AKAP11: variants seen among roughly 807,000 people sequenced by gnomAD.
AKAP11 encodes the protein A-kinase anchor protein 11.
In AKAP11, 36 loss-of-function variants were observed where a neutral mutation model predicts 146.1. The observed-to-expected ratio is 0.25, with a 90% confidence interval of 0.19 to 0.33. The LOEUF (loss-of-function observed/expected upper bound fraction) is 0.33. AKAP11 is among the 10% of genes least tolerant of loss of function. The pLI is 1.00. For missense variants in AKAP11, 2,201 were observed against 2,197.0 expected, an observed-to-expected ratio of 1.00 and a Z score of -0.04; for synonymous variants, 780 against 786.5, an observed-to-expected ratio of 0.99 and a Z score of 0.14.
At chr13:42,308,963 G>A (rs1337828852) in intron 9 of AKAP11, among the ~76,000 whole-genome samples, 1 of 151,976 alleles carries the variant, frequency 6.6e-6, no homozygotes, top group Non-Finnish European at 1.5e-5. Flanking sequence ...AAAAGGACAG[G>A]TATCTGTAAA....
Position 42,319,906 on chromosome 13 carries a change from G to GGGGGGTGT in AKAP11, c.*679_*680insGGGGTGTG, listed in dbSNP as rs1555295199. The GGGGGGTGT allele has an allele frequency of 7.5e-6, 1 of 132,662 alleles. No individual in the cohort carries two copies. The highest frequency in any genetic ancestry group is 1.6e-5 in the Non-Finnish European group (1 of 62,144). The allele number at this position is 132,662 out of a possible 1,614,324, so 8.2% of individuals were successfully genotyped here. ...TGCTGCCAGTCATTCTGGCATGAAA[G>GGGGGGTGT]GTGTGTGTGTGTGTGTGTGTGTGTG... On this transcript the variant is annotated 3_prime_UTR_variant, in exon 13 of 13. Transcript: ENST00000025301.
intron 8 of AKAP11, among the ~76,000 whole-genome samples, chr13:42,305,003 A>C (rs983604126): frequency 1.3e-5 from 2 of 152,120 alleles, no homozygotes; most frequent in East Asian, 3.9e-4. Context: ...TGCCCACCTC[A>C]GCTTCCCAAA....
At chr13:42,286,425 T>G (rs749324908) in intron 3 of AKAP11, 26 bp downstream of exon 3, 1 of 1,538,556 alleles carries the variant, frequency 6.5e-7, no homozygotes, top group Non-Finnish European at 8.8e-7. Flanking sequence ...TAGGTTTCTT[T>G]TAGTGAAAGT....
At chr13:42,294,626 A>G (rs568437138) in intron 4 of AKAP11, among the ~76,000 whole-genome samples, 1 of 152,128 alleles carries the variant, frequency 6.6e-6, no homozygotes, top group African/African-American at 2.4e-5. Context: ...CTGGTCTTGA[A>G]CTGGCCTCAA....
intron 9 of AKAP11, among the ~76,000 whole-genome samples, chr13:42,309,413 C>T (rs975241904): frequency 3.3e-5 from 5 of 152,128 alleles, no homozygotes; most frequent in African/African-American, 9.7e-5. Context: ...TGGAAAGGAC[C>T]TGTGGACCAT....
chr13:42,272,527 C>A (rs561715597), intron 1 of AKAP11, among the ~76,000 whole-genome samples: 2 of 152,286 alleles, frequency 1.3e-5, no homozygotes, highest in South Asian at 4.1e-4. Context: ...GAGCTGCCGC[C>A]CCTTTTAATG....
At chr13:42,274,933 CA>C (rs1958877793) in intron 1 of AKAP11, among the ~76,000 whole-genome samples, 1 of 152,198 alleles carries the variant, frequency 6.6e-6, no homozygotes, top group South Asian at 2.1e-4. Flanking sequence ...ATACCCACCT[CA>C]AAAAGTTAGT....
chr13:42,291,295 C>T (rs1331185663), intron 3 of AKAP11, among the ~76,000 whole-genome samples: 1 of 152,126 alleles, frequency 6.6e-6, no homozygotes, highest in African/African-American at 2.4e-5. Context: ...CTCTGTCGCC[C>T]AGGCTGGAGT....
chr13:42,289,253 A>C (rs189146319), intron 3 of AKAP11, among the ~76,000 whole-genome samples: 35 of 152,278 alleles, frequency 2.3e-4, no homozygotes, highest in African/African-American at 8.2e-4. Context: ...AGCTTCCCTC[A>C]TTCACCTTAG....
At position 42,320,134 on chromosome 13, in the gene AKAP11, T is replaced by C. The variant is rs1961023256; in HGVS notation, c.*906T>C. 6.5e-6 allele frequency: 1 copy of C among 152,732 alleles called. No individual in the cohort carries two copies. Among genetic ancestry groups the C allele is most frequent in the South Asian group, 2.1e-4 (1 of 4,834 alleles). The allele number at this position is 152,732 out of a possible 1,614,324, so 9.5% of individuals were successfully genotyped here. A position where few individuals can be genotyped will look rare whatever the true frequency, so the allele number is the denominator to read the frequency against. ...ACAATTTTGGGTTCCCAACTTATCT[T>C]ACAAGTGAAAACTTAAATTGTAAAA... On this transcript the variant is annotated 3_prime_UTR_variant, in exon 13 of 13. Coordinates refer to ENST00000025301, the MANE Select transcript of AKAP11 (RefSeq NM_016248.4).
chr13:42,285,754 A>G (rs532282666), intron 1 of AKAP11, among the ~76,000 whole-genome samples: 76 of 152,182 alleles, frequency 5.0e-4, no homozygotes, highest in African/African-American at 1.6e-3. Context: ...AATTTTGTCA[A>G]TGGTATGCTC....
chr13:42,278,125 C>CA (rs1594294737), intron 1 of AKAP11, among the ~76,000 whole-genome samples: 1 of 151,944 alleles, frequency 6.6e-6, no homozygotes, highest in East Asian at 1.9e-4. Flanking sequence ...TTATCTGACC[C>CA]AAAATGTTAG....
upstream of AKAP11, among the ~76,000 whole-genome samples, chr13:42,271,596 GA>G (rs1958768905): frequency 6.6e-6 from 1 of 152,220 alleles, no homozygotes; most frequent in South Asian, 2.1e-4. Flanking sequence ...TTGTGGCGAA[GA>G]AGGAGCCCAG....
At chr13:42,291,724 T>C (rs1297851012) in intron 3 of AKAP11, among the ~76,000 whole-genome samples, 1 of 152,200 alleles carries the variant, frequency 6.6e-6, no homozygotes, top group African/African-American at 2.4e-5. Context: ...GAAGAGCAGA[T>C]TGACAAGTCA....
At chr13:42,315,131 G>T (rs1405176089) in intron 11 of AKAP11, among the ~76,000 whole-genome samples, 3 of 152,108 alleles carry the variant, frequency 2.0e-5, no homozygotes, top group Non-Finnish European at 4.4e-5. Flanking sequence ...ACAGAAAATA[G>T]CTAAAAAGAA....
chr13:42,271,698 G>A (rs561587465), upstream of AKAP11, among the ~76,000 whole-genome samples: 1 of 152,314 alleles, frequency 6.6e-6, no homozygotes, highest in Admixed American at 6.5e-5. Context: ...CTGGGGACTT[G>A]CCAGAGGGAA....
Position 42,298,610 on chromosome 13 carries a change from T to G in AKAP11, c.429T>G (p.Ser143Arg). The G allele has an allele frequency of 6.2e-7, 1 of 1,612,578 alleles. No homozygotes were observed. Among genetic ancestry groups the G allele is most frequent in the Non-Finnish European group, 8.5e-7 (1 of 1,179,350 alleles). Residue 143 changes from serine (S) to arginine (R), a missense_variant, in exon 7 of 13, where the codon AGT becomes AGG. Around this residue, in one of 3 missense-constraint regions of AKAP11, gnomAD observed 331 missense variants for 347.4 expected, o/e 0.95. Coordinates refer to ENST00000025301, the MANE Select transcript of AKAP11 (RefSeq NM_016248.4). ...SPRLRIDFIF[S>R]LLSKYATGIR... is the part of the protein sequence containing the mutation. ...GACTTAGGATTGATTTTATCTTTAG[T>G]CTCCTAAGTAAATATGCTACTGGTA...
intron 8 of AKAP11, among the ~76,000 whole-genome samples, chr13:42,307,131 G>A (rs1206311011): frequency 6.6e-6 from 1 of 152,086 alleles, no homozygotes; most frequent in Non-Finnish European, 1.5e-5. Context: ...GCACATATTA[G>A]GAAAAGTATT....
chr13:42,298,442 T>C, intron 6 of AKAP11, 91 bp from the exon 7 acceptor site: 1 of 1,370,842 alleles, frequency 7.3e-7, no homozygotes, highest in Non-Finnish European at 9.9e-7. Flanking sequence ...GTTTGTTTTT[T>C]TCTCTGAGAT....
Sources: gnomAD v4.1 joint callset for allele counts (sites outside exome capture counted in the v4.1 genomes callset) on GRCh38, gnomAD v4.1.1 for gene constraint, gnomAD v4.1.1 regional missense constraint, MANE v1.5 for transcripts, NCBI Gene and HGNC (gene_info 2026-07-23, HGNC 2026-07-21) for gene names.